The following SPOCK1 variants were observed in gnomAD, a reference collection of about 807,000 sequenced individuals.
SPOCK1 encodes testican-1.
SPOCK1 carries 23 observed loss-of-function variants against 55.3 expected under a neutral mutation model. That is an observed-to-expected ratio of 0.42 (90% CI 0.30 to 0.59). The LOEUF (loss-of-function observed/expected upper bound fraction) is 0.59, where lower values mean the gene tolerates loss of function less well. SPOCK1 is among the 20% of genes least tolerant of loss of function. The pLI is 0.22. For synonymous variants in SPOCK1, 226 were observed against 221.0 expected (o/e 1.02, Z -0.20); for missense variants, 499 against 552.5 (o/e 0.90, Z 0.97).
chr5:137,214,147 C>G (rs1755669190), intron 3 of SPOCK1, among the ~76,000 whole-genome samples: 1 of 152,166 alleles, frequency 6.6e-6, no homozygotes, highest in Non-Finnish European at 1.5e-5. Context: ...ATTACTATTA[C>G]TTACTGCTAT....
At chr5:136,983,391 G>A (rs998647358) in intron 9 of SPOCK1, among the ~76,000 whole-genome samples, 4 of 152,196 alleles carry the variant, frequency 2.6e-5, no homozygotes, top group African/African-American at 9.6e-5. Flanking sequence ...GGAACACCAT[G>A]TCTATCACTT....
chr5:137,274,303 A>G (rs2916640), intron 2 of SPOCK1, among the ~76,000 whole-genome samples: 130,535 of 152,210 alleles, frequency 0.86, 56,282 homozygotes, highest in African/African-American at 0.94. Flanking sequence ...GTCAGCACCA[A>G]GGAGTTAAAG....
chr5:137,254,111 G>A (rs1173268364), intron 3 of SPOCK1, among the ~76,000 whole-genome samples: 4 of 152,030 alleles, frequency 2.6e-5, no homozygotes, highest in Non-Finnish European at 4.4e-5. Context: ...GATTGACCTC[G>A]CTAAAAGCAA....
chr5:137,393,667 G>A (rs1431178321), intron 2 of SPOCK1, among the ~76,000 whole-genome samples: 2 of 152,238 alleles, frequency 1.3e-5, no homozygotes, highest in Non-Finnish European at 2.9e-5. Flanking sequence ...CATAGGAGGT[G>A]ACACAGCTGC....
rs756472178 is a variant in SPOCK1 at position 137,364,242 on chromosome 5, T to G, written c.187-97187A>C. On this transcript the variant is annotated intron_variant, in intron 2 of 10. Coordinates refer to ENST00000394945, the MANE Select transcript of SPOCK1 (RefSeq NM_004598.4). Reference sequence around the variant, plus strand: ...TTTGCAAGCAGTTTTCCCTAATACCTAAGCACCATCTGCCCACCTGTGGCT... The same window carrying G: ...TTTGCAAGCAGTTTTCCCTAATACCGAAGCACCATCTGCCCACCTGTGGCT... Among the ~76,000 whole-genome samples, 49 of 152,152 alleles carry G rather than the reference T, an allele frequency of 3.2e-4. 1 individual carries two copies. Among genetic ancestry groups the G allele is most frequent in the Non-Finnish European group, 8.8e-5 (6 of 68,026 alleles).
chr5:137,067,706 C>A lies in SPOCK1; in HGVS notation c.589+9G>T. On this transcript the variant is annotated intron_variant, in intron 6 of 10. Coordinates refer to ENST00000394945, the MANE Select transcript of SPOCK1 (RefSeq NM_004598.4). ...GCCCACGAATTCTCTGAAGGAAACCCTCACTCACCACTCCTTTCTGCCTTG... is the reference window on the plus strand; with the variant it reads ...GCCCACGAATTCTCTGAAGGAAACCATCACTCACCACTCCTTTCTGCCTTG... 4 of 1,612,944 alleles carry A rather than the reference C, an allele frequency of 2.5e-6. No individual in the cohort carries two copies. The highest frequency in any genetic ancestry group is 3.4e-6 in the Non-Finnish European group (4 of 1,179,000).
chr5:137,379,735 C>T (rs1283465941), intron 2 of SPOCK1, among the ~76,000 whole-genome samples: 3 of 152,176 alleles, frequency 2.0e-5, no homozygotes, highest in Admixed American at 2.0e-4. Context: ...CTCTGATGAG[C>T]CAAGACATGC....
chr5:137,219,431 T>C (rs974688787), intron 3 of SPOCK1, among the ~76,000 whole-genome samples: 1 of 152,196 alleles, frequency 6.6e-6, no homozygotes, highest in Non-Finnish European at 1.5e-5. Flanking sequence ...ATGGGCCTAA[T>C]GAGCCAGGAA....
chr5:137,321,648 G>A (rs1757984166), intron 2 of SPOCK1, among the ~76,000 whole-genome samples: 1 of 152,142 alleles, frequency 6.6e-6, no homozygotes, highest in Admixed American at 6.5e-5. Flanking sequence ...GGCCGAGGCA[G>A]GTGGATCACG....
Position 137,416,171 on chromosome 5 carries a change from G to GA in SPOCK1, c.186+82201dup, listed in dbSNP as rs66633629. Among the ~76,000 whole-genome samples, 913 of 146,714 alleles carry GA rather than the reference G, an allele frequency of 6.2e-3. 5 individuals are homozygous for GA. Among genetic ancestry groups the GA allele is most frequent in the African/African-American group, 0.02 (805 of 40,444 alleles). Reference sequence around the variant, plus strand: ...GAAGAGCAACATCTTTAAAGTACTGGAAAAAAAAAACTGTCAACATAAAAT... The same window carrying GA: ...GAAGAGCAACATCTTTAAAGTACTGGAAAAAAAAAAACTGTCAACATAAAAT... On this transcript the variant is annotated intron_variant, in intron 2 of 10. Coordinates refer to ENST00000394945, the MANE Select transcript of SPOCK1 (RefSeq NM_004598.4).
intron 2 of SPOCK1, among the ~76,000 whole-genome samples, chr5:137,328,657 T>C (rs913765129): frequency 6.6e-6 from 1 of 152,174 alleles, no homozygotes; most frequent in Non-Finnish European, 1.5e-5. Flanking sequence ...ATTATTTAAT[T>C]TTCTCCTCAA....
chr5:137,071,649 C>T (rs1008118368), intron 5 of SPOCK1, among the ~76,000 whole-genome samples: 8 of 152,168 alleles, frequency 5.3e-5, no homozygotes, highest in African/African-American at 1.9e-4. Context: ...GCTAGAACCA[C>T]ACCTCCCAGA....
At chr5:137,419,269 G>A (rs1231765025) in intron 2 of SPOCK1, among the ~76,000 whole-genome samples, 2 of 152,174 alleles carry the variant, frequency 1.3e-5, no homozygotes. Context: ...GCTTAGGATT[G>A]ACTTGGAAAT....
Position 137,112,597 on chromosome 5 carries a change from G to C in SPOCK1, c.348-36C>G, listed in dbSNP as rs776156406. On this transcript the variant is annotated intron_variant, in intron 4 of 10. Transcript: ENST00000394945. Reference sequence around the variant, plus strand: ...GAAAAAAGGGGATAAATTAGTTGAAGCTCCAGACCCTATGAGTCTTTCCTC... The same window carrying C: ...GAAAAAAGGGGATAAATTAGTTGAACCTCCAGACCCTATGAGTCTTTCCTC... The C allele has an allele frequency of 1.8e-5, 29 of 1,605,698 alleles. 2 individuals are homozygous for C. In the South Asian group the frequency reaches 3.0e-4, roughly 17 times the overall value.
At chr5:137,307,330 T>C (rs1047475645) in intron 2 of SPOCK1, among the ~76,000 whole-genome samples, 1 of 152,186 alleles carries the variant, frequency 6.6e-6, no homozygotes, top group African/African-American at 2.4e-5. Context: ...TAAGCCACAA[T>C]GGCACAGTTT....
intron 3 of SPOCK1, among the ~76,000 whole-genome samples, chr5:137,235,627 C>A (rs534241813): frequency 6.6e-6 from 1 of 152,174 alleles, no homozygotes; most frequent in African/African-American, 2.4e-5. Context: ...GGTAGATGCA[C>A]GTGTCTGTGT....
intron 6 of SPOCK1, among the ~76,000 whole-genome samples, chr5:137,013,089 G>A (rs1441545080): frequency 2.0e-5 from 3 of 152,036 alleles, no homozygotes; most frequent in African/African-American, 7.2e-5. Context: ...GACAGGGGAA[G>A]GTATATAATA....
chr5:137,303,940 C>A (rs1183166557), intron 2 of SPOCK1, among the ~76,000 whole-genome samples: 1 of 152,160 alleles, frequency 6.6e-6, no homozygotes, highest in Non-Finnish European at 1.5e-5. Flanking sequence ...GTTTGGAAAG[C>A]CATCCCCCTT....
chr5:136,984,809 T>C (rs112815787), intron 9 of SPOCK1, among the ~76,000 whole-genome samples: 22 of 152,318 alleles, frequency 1.4e-4, no homozygotes, highest in African/African-American at 4.8e-4. Context: ...CCTTATAGTT[T>C]GAGCACTTGA....
Sources: gnomAD v4.1 joint callset for allele counts (sites outside exome capture counted in the v4.1 genomes callset) on GRCh38, gnomAD v4.1.1 for gene constraint, MANE v1.5 for transcripts, NCBI Gene and HGNC (gene_info 2026-07-23, HGNC 2026-07-21) for gene names.